The following MAGI2 variants were observed in gnomAD, a reference collection of about 807,000 sequenced individuals.
The protein encoded by MAGI2 is membrane-associated guanylate kinase, WW and PDZ domain-containing protein 2.
A neutral mutation model predicts 133.3 loss-of-function variants in MAGI2; 35 were observed. That is an observed-to-expected ratio of 0.26 (90% CI 0.20 to 0.35). MAGI2 has a LOEUF of 0.35. MAGI2 is among the 10% of genes least tolerant of loss of function. MAGI2 has a pLI of 1.00. For missense variants in MAGI2, 1,636 were observed against 1,863.4 expected (o/e 0.88, Z 2.25); for synonymous variants, 729 against 710.6 (o/e 1.03, Z -0.41).
chr7:78,455,842 G>C (rs1789258306), intron 6 of MAGI2, among the ~76,000 whole-genome samples: 1 of 151,924 alleles, frequency 6.6e-6, no homozygotes, highest in Non-Finnish European at 1.5e-5. Context: ...TTGACACTAA[G>C]TCTACCTATT....
chr7:78,247,580 A>T (rs1791932212), intron 10 of MAGI2, among the ~76,000 whole-genome samples: 1 of 152,232 alleles, frequency 6.6e-6, no homozygotes, highest in Non-Finnish European at 1.5e-5. Context: ...TCAAAGAGAA[A>T]TTTAACAAAG....
At chr7:78,025,648 T>G (rs1808835811) in intron 21 of MAGI2, among the ~76,000 whole-genome samples, 1 of 152,192 alleles carries the variant, frequency 6.6e-6, no homozygotes, top group Admixed American at 6.5e-5. Flanking sequence ...AGGTTTGTAT[T>G]TGGAACTTTG....
intron 9 of MAGI2, among the ~76,000 whole-genome samples, chr7:78,328,530 C>CACACACACACACACAA (rs10525463): frequency 8.0e-6 from 1 of 124,726 alleles, no homozygotes; most frequent in Admixed American, 8.1e-5. Context: ...CACACACACA[C>CACACACACACACACAA]CCCTCTCTCT....
intron 1 of MAGI2, among the ~76,000 whole-genome samples, chr7:79,447,013 T>G (rs1848902729): frequency 6.6e-6 from 1 of 152,152 alleles, no homozygotes; most frequent in Non-Finnish European, 1.5e-5. Context: ...ATTGAGTTAA[T>G]ATTCAATAAC....
chr7:78,748,430 T>C (rs759622891), intron 2 of MAGI2, among the ~76,000 whole-genome samples: 1 of 152,216 alleles, frequency 6.6e-6, no homozygotes, highest in Non-Finnish European at 1.5e-5. Context: ...TTCTGTCTTA[T>C]GAGCGCAGTC....
intron 9 of MAGI2, among the ~76,000 whole-genome samples, chr7:78,284,121 TAC>T (rs1158898922): frequency 6.6e-6 from 1 of 151,958 alleles, no homozygotes; most frequent in African/African-American, 2.4e-5. Context: ...TAAATATGAG[TAC>T]ACACACAGTA....
intron 2 of MAGI2, among the ~76,000 whole-genome samples, chr7:78,842,019 G>A (rs558732872): frequency 1.3e-5 from 2 of 152,010 alleles, no homozygotes; most frequent in East Asian, 3.9e-4. Context: ...CATATCATAG[G>A]TGCTTAAAAA....
At chr7:79,114,620 T>C (rs771075854) in intron 1 of MAGI2, among the ~76,000 whole-genome samples, 7 of 152,186 alleles carry the variant, frequency 4.6e-5, no homozygotes, top group Non-Finnish European at 1.0e-4. Flanking sequence ...CAACATTCTG[T>C]AAGCATGCTT....
chr7:79,434,158 A>C (rs1192305998), intron 1 of MAGI2, among the ~76,000 whole-genome samples: 4 of 152,068 alleles, frequency 2.6e-5, no homozygotes, highest in Non-Finnish European at 4.4e-5. Flanking sequence ...CAATAAAGAA[A>C]ATCTCTTATT....
intron 1 of MAGI2, among the ~76,000 whole-genome samples, chr7:79,197,915 A>C (rs544158342): frequency 6.6e-6 from 1 of 151,996 alleles, no homozygotes; most frequent in East Asian, 1.9e-4. Context: ...TGTGGATTAC[A>C]TTTCAACATG....
Position 78,501,742 on chromosome 7 carries a change from A to C in MAGI2, c.800T>G (p.Met267Arg). The C allele has an allele frequency of 6.2e-7, 1 of 1,614,034 alleles. No individual in the cohort carries two copies. Among genetic ancestry groups the C allele is most frequent in the Non-Finnish European group, 8.5e-7 (1 of 1,180,016 alleles). Residue 267 changes from methionine to arginine, a missense_variant, in exon 5 of 22, where the codon ATG becomes AGG. Coordinates refer to ENST00000354212, the MANE Select transcript of MAGI2 (RefSeq NM_012301.4). ...EDKSAGASGE[M>R]PSQPYPAPVY... ...TGGTGCAGGATAAGGCTGGGAGGGC[A>C]TCTCCCCTGAGGCACCTGCACTTTT...
chr7:79,222,060 C>T (rs192638224), intron 1 of MAGI2, among the ~76,000 whole-genome samples: 15 of 151,980 alleles, frequency 9.9e-5, no homozygotes, highest in Admixed American at 2.6e-4. Flanking sequence ...ACCAAGTGTT[C>T]GATGGGAAAA....
At chr7:78,189,887 C>G (rs973713543) in intron 12 of MAGI2, among the ~76,000 whole-genome samples, 3 of 152,274 alleles carry the variant, frequency 2.0e-5, no homozygotes, top group Non-Finnish European at 4.4e-5. Flanking sequence ...ACACACCCAT[C>G]AGAATGATCA....
intron 1 of MAGI2, among the ~76,000 whole-genome samples, chr7:79,089,430 T>C (rs1299964113): frequency 6.6e-6 from 1 of 152,108 alleles, no homozygotes; most frequent in Non-Finnish European, 1.5e-5. Context: ...GAAATACCAT[T>C]TGACCTAGCA....
intron 2 of MAGI2, among the ~76,000 whole-genome samples, chr7:78,647,693 A>T (rs1163361110): frequency 6.6e-6 from 1 of 152,182 alleles, no homozygotes; most frequent in African/African-American, 2.4e-5. Flanking sequence ...ACACACATGC[A>T]CACATATGTT....
chr7:78,689,054 A>C (rs1373245711), intron 2 of MAGI2, among the ~76,000 whole-genome samples: 2 of 152,174 alleles, frequency 1.3e-5, no homozygotes, highest in Non-Finnish European at 2.9e-5. Flanking sequence ...TCTATCTAGA[A>C]ATATCTTTGG....
chr7:79,149,487 G>A (rs1245461219), intron 1 of MAGI2, among the ~76,000 whole-genome samples: 4 of 152,052 alleles, frequency 2.6e-5, no homozygotes, highest in Non-Finnish European at 5.9e-5. Flanking sequence ...ATATGCAATG[G>A]AGCAGCATTA....
At chr7:79,259,779 A>C (rs1833949737) in intron 1 of MAGI2, among the ~76,000 whole-genome samples, 1 of 152,276 alleles carries the variant, frequency 6.6e-6, no homozygotes, top group South Asian at 2.1e-4. Flanking sequence ...GTACTTCAAT[A>C]TTTATTATTT....
intron 3 of MAGI2, among the ~76,000 whole-genome samples, chr7:78,558,434 A>C (rs1001823674): frequency 3.9e-5 from 6 of 152,164 alleles, no homozygotes; most frequent in Admixed American, 6.5e-5. Context: ...CTAAAAAAGT[A>C]ATAATTTCTA....
Sources: gnomAD v4.1 joint callset for allele counts (sites outside exome capture counted in the v4.1 genomes callset) on GRCh38, gnomAD v4.1.1 for gene constraint, MANE v1.5 for transcripts, NCBI Gene and HGNC (gene_info 2026-07-23, HGNC 2026-07-21) for gene names.